Variants in NXPH2 observed in about 807,000 individuals in gnomAD.
NXPH2 encodes neurexophilin-2.
NXPH2 carries 5 observed loss-of-function variants against 19.8 expected under a neutral mutation model. The ratio of observed to expected loss-of-function variants is 0.25; its 90% confidence interval spans 0.13 to 0.53. NXPH2 has a LOEUF of 0.53. Ranked by LOEUF, NXPH2 falls within the 20% of genes least tolerant of loss-of-function variation. The pLI is 0.96. For missense variants in NXPH2, 289 were observed against 322.8 expected (o/e 0.90, Z 0.80); for synonymous variants, 154 against 127.4 (o/e 1.21, Z -1.41).
intron 1 of NXPH2, among the ~76,000 whole-genome samples, chr2:138,749,240 G>A (rs1681789644): frequency 6.6e-6 from 1 of 152,138 alleles, no homozygotes; most frequent in African/African-American, 2.4e-5. Flanking sequence ...TGTGAAGAAA[G>A]ACATGCTTGC....
intron 1 of NXPH2, among the ~76,000 whole-genome samples, chr2:138,729,553 G>A (rs1681412626): frequency 6.6e-6 from 1 of 152,164 alleles, no homozygotes; most frequent in South Asian, 2.1e-4. Context: ...TCAAAATGTT[G>A]CTTTCCTATT....
chr2:138,716,598 A>T (rs1011344186), intron 1 of NXPH2, among the ~76,000 whole-genome samples: 5 of 152,234 alleles, frequency 3.3e-5, no homozygotes, highest in Admixed American at 3.3e-4. Flanking sequence ...TTGTTGTTAC[A>T]GCAGCCTGAG....
chr2:138,730,478 G>A (rs1681431441), intron 1 of NXPH2, among the ~76,000 whole-genome samples: 2 of 152,172 alleles, frequency 1.3e-5, no homozygotes, highest in South Asian at 4.1e-4. Flanking sequence ...CTTCTGAGGT[G>A]TGGTTATAAA....
At chr2:138,694,662 A>C (rs1447997052) in intron 1 of NXPH2, among the ~76,000 whole-genome samples, 1 of 152,120 alleles carries the variant, frequency 6.6e-6, no homozygotes, top group Non-Finnish European at 1.5e-5. Context: ...AGCCACCTGG[A>C]ATGTGGTTTG....
chr2:138,779,934 C>T lies in NXPH2; in HGVS notation c.51+257G>A, dbSNP rs74950037. 2.5e-3 allele frequency among the ~76,000 whole-genome samples: 374 copies of T among 152,306 alleles called. 9 individuals carry two copies. The East Asian group carries it at 0.052, about 21-fold the overall frequency. ...CCTTCTCCCGGACCTACTTCCCGGC[C>T]ACCTTCTGCCTACTTTACCCCAGCG... On this transcript the variant is annotated intron_variant, in intron 1 of 1. Coordinates refer to ENST00000272641, the MANE Select transcript of NXPH2 (RefSeq NM_007226.3).
At position 138,728,157 on chromosome 2, in the gene NXPH2, T is replaced by A. The variant is rs201577325; in HGVS notation, c.51+52034A>T. ...AAGAGAAGAAGACACCAGAGTGCGC[T>A]CTCTCTCTCTCTCTCTCTCTCTGTC... On this transcript the variant is annotated intron_variant, in intron 1 of 1. Coordinates refer to ENST00000272641, the MANE Select transcript of NXPH2 (RefSeq NM_007226.3). 2.8e-3 allele frequency among the ~76,000 whole-genome samples: 28 copies of A among 9,880 alleles called. No individual in the cohort carries two copies. The Admixed American group carries it at 0.05, about 18-fold the overall frequency. The allele number at this position is 9,880 out of a possible 152,430, so 6.5% of individuals were successfully genotyped here. A position where few individuals can be genotyped will look rare whatever the true frequency, so the allele number is the denominator to read the frequency against.
At chr2:138,674,467 A>G (rs559028565) in intron 1 of NXPH2, among the ~76,000 whole-genome samples, 11 of 151,978 alleles carry the variant, frequency 7.2e-5, no homozygotes, top group African/African-American at 2.7e-4. Flanking sequence ...TTTTATTTTT[A>G]TACAGATGAG....
At chr2:138,737,906 C>T (rs930694772) in intron 1 of NXPH2, among the ~76,000 whole-genome samples, 2 of 151,388 alleles carry the variant, frequency 1.3e-5, no homozygotes, top group Admixed American at 1.3e-4. Context: ...AAACAGAACA[C>T]CTTCATTTTC....
chr2:138,707,958 A>G (rs920477201), intron 1 of NXPH2, among the ~76,000 whole-genome samples: 1 of 152,124 alleles, frequency 6.6e-6, no homozygotes, highest in Non-Finnish European at 1.5e-5. Flanking sequence ...CTCCCTGGAC[A>G]GTCAAGCTGA....
chr2:138,770,514 T>C (rs951967339), intron 1 of NXPH2, among the ~76,000 whole-genome samples: 1 of 152,072 alleles, frequency 6.6e-6, no homozygotes, highest in African/African-American at 2.4e-5. Flanking sequence ...TGAGACATAA[T>C]GTTCAATAAA....
chr2:138,673,643 A>AT (rs1324674208), intron 1 of NXPH2, among the ~76,000 whole-genome samples: 6,935 of 142,292 alleles, frequency 0.049, 231 homozygotes, highest in Middle Eastern at 0.14. Context: ...AATGGGATTA[A>AT]TTTTTTTTTT....
intron 1 of NXPH2, among the ~76,000 whole-genome samples, chr2:138,680,599 C>G (rs1468138310): frequency 6.6e-6 from 1 of 151,744 alleles, no homozygotes; most frequent in Non-Finnish European, 1.5e-5. Flanking sequence ...CTCTTGTTCT[C>G]TCTCTCTCTA....
chr2:138,709,948 C>A (rs1681073270), intron 1 of NXPH2, among the ~76,000 whole-genome samples: 1 of 152,168 alleles, frequency 6.6e-6, no homozygotes, highest in Non-Finnish European at 1.5e-5. Flanking sequence ...CTAATTTTAA[C>A]CTCTTTTATG....
chr2:138,678,681 A>G (rs1272170527), intron 1 of NXPH2, among the ~76,000 whole-genome samples: 1 of 152,170 alleles, frequency 6.6e-6, no homozygotes, highest in Non-Finnish European at 1.5e-5. Flanking sequence ...ATTTAATATT[A>G]ATTCCCTAAA....
chr2:138,738,658 A>G (rs544370422), intron 1 of NXPH2, among the ~76,000 whole-genome samples: 6 of 152,348 alleles, frequency 3.9e-5, no homozygotes, highest in African/African-American at 1.2e-4. Flanking sequence ...CAACAAAGGA[A>G]ATCAAAGCAC....
intron 1 of NXPH2, among the ~76,000 whole-genome samples, chr2:138,726,825 G>A (rs1681368143): frequency 6.6e-6 from 1 of 152,174 alleles, no homozygotes; most frequent in African/African-American, 2.4e-5. Context: ...GAACATTAGG[G>A]TTTACTTCTG....
chr2:138,687,632 A>G (rs1680681434), intron 1 of NXPH2, among the ~76,000 whole-genome samples: 1 of 151,864 alleles, frequency 6.6e-6, no homozygotes. Flanking sequence ...GCCCATGCCT[A>G]GAAAACTCTA....
intron 1 of NXPH2, among the ~76,000 whole-genome samples, chr2:138,689,506 G>A (rs1157764669): frequency 1.3e-5 from 2 of 152,174 alleles, no homozygotes; most frequent in African/African-American, 4.8e-5. Context: ...AATTGCCAAG[G>A]AGGGAGCAAG....
chr2:138,683,450 TTTTCGGCAGAG>T (rs1680606249), intron 1 of NXPH2, among the ~76,000 whole-genome samples: 1 of 152,176 alleles, frequency 6.6e-6, no homozygotes, highest in Admixed American at 6.5e-5. Flanking sequence ...TTCCATGCCA[TTTTCGGCAGAG>T]TTTCAGTGAG....
Sources: allele counts gnomAD v4.1 joint callset (sites outside exome capture counted in the v4.1 genomes callset), GRCh38; gene constraint gnomAD v4.1.1; transcripts MANE v1.5; gene names NCBI Gene and HGNC (gene_info 2026-07-23, HGNC 2026-07-21).